SND1: variants seen among roughly 807,000 people sequenced by gnomAD.
SND1 encodes the protein staphylococcal nuclease and tudor domain containing 1.
Under a neutral mutation model 121.7 loss-of-function variants are expected in SND1, and 38 were observed. That is an observed-to-expected ratio of 0.31 (90% CI 0.24 to 0.41). The LOEUF is 0.41. SND1 is among the 10% of genes least tolerant of loss of function. The pLI, the probability that SND1 is intolerant of heterozygous loss-of-function variation, is 1.00. For missense variants in SND1, 868 were observed against 1,184.6 expected, an observed-to-expected ratio of 0.73 and a Z score of 3.92; for synonymous variants, 401 against 447.4, an observed-to-expected ratio of 0.90 and a Z score of 1.31.
At chr7:127,878,522 C>T (rs1352586608) in intron 12 of SND1, among the ~76,000 whole-genome samples, 8 of 152,270 alleles carry the variant, frequency 5.3e-5, no homozygotes, top group African/African-American at 1.9e-4. Flanking sequence ...GGCGCTGCAG[C>T]TCTTGACAAC....
intron 16 of SND1, among the ~76,000 whole-genome samples, chr7:128,049,636 T>C (rs962778081): frequency 2.0e-5 from 3 of 152,186 alleles, no homozygotes. Flanking sequence ...AGCGTGGACC[T>C]TGGAATCAGA....
chr7:128,079,413 G>C (rs1003579732), intron 17 of SND1, among the ~76,000 whole-genome samples: 3 of 152,256 alleles, frequency 2.0e-5, no homozygotes, highest in South Asian at 2.1e-4. Context: ...TAGGGGACTA[G>C]AAGCAGCAGT....
At chr7:127,783,397 A>C (rs566920602) in intron 10 of SND1, among the ~76,000 whole-genome samples, 5 of 152,330 alleles carry the variant, frequency 3.3e-5, no homozygotes, top group Admixed American at 1.3e-4. Context: ...AGTGATAAGC[A>C]GGATTCTGTG....
At chr7:127,810,474 C>T (rs767803678) in intron 11 of SND1, among the ~76,000 whole-genome samples, 2 of 152,218 alleles carry the variant, frequency 1.3e-5, no homozygotes, top group Non-Finnish European at 1.5e-5. Context: ...GGAATATTCA[C>T]AGCAAAGAGT....
intron 10 of SND1, among the ~76,000 whole-genome samples, chr7:127,802,471 C>G (rs1428535427): frequency 6.6e-6 from 1 of 152,164 alleles, no homozygotes; most frequent in Non-Finnish European, 1.5e-5. Context: ...TTTTGCTTGC[C>G]TTAGTTTGTG....
chr7:127,904,603 G>T, intron 13 of SND1, 144 bp from the exon 14 acceptor site: 1 of 554,104 alleles, frequency 1.8e-6, no homozygotes. Flanking sequence ...TGCACAGACT[G>T]GCTACTCAGC....
intron 14 of SND1, among the ~76,000 whole-genome samples, chr7:127,912,846 T>G (rs1257397686): frequency 6.6e-6 from 1 of 152,158 alleles, no homozygotes; most frequent in African/African-American, 2.4e-5. Flanking sequence ...CCTCTGTACC[T>G]GGAAACATGA....
intron 16 of SND1, among the ~76,000 whole-genome samples, chr7:128,010,251 C>A (rs1803086029): frequency 6.6e-6 from 1 of 152,222 alleles, no homozygotes; most frequent in South Asian, 2.1e-4. Context: ...TATAGTGGAA[C>A]AAAGCACTAC....
At chr7:127,663,448 T>C (rs1233569203) in intron 1 of SND1, among the ~76,000 whole-genome samples, 1 of 151,564 alleles carries the variant, frequency 6.6e-6, no homozygotes, top group Non-Finnish European at 1.5e-5. Context: ...CTCGGCTCAG[T>C]GAAACCTCCA....
At chr7:127,853,533 T>C (rs989521164) in intron 12 of SND1, among the ~76,000 whole-genome samples, 1 of 152,150 alleles carries the variant, frequency 6.6e-6, no homozygotes, top group African/African-American at 2.4e-5. Context: ...GGTTAATGAA[T>C]GGTCTCTGTT....
chr7:127,972,619 T>G (rs573714523), intron 15 of SND1, among the ~76,000 whole-genome samples: 1 of 151,432 alleles, frequency 6.6e-6, no homozygotes. Flanking sequence ...TGAGACAGAG[T>G]CTTGCTCTGT....
intron 10 of SND1, among the ~76,000 whole-genome samples, chr7:127,723,840 T>C (rs892631613): frequency 6.6e-6 from 1 of 152,262 alleles, no homozygotes; most frequent in Non-Finnish European, 1.5e-5. Context: ...ATTGTAATTT[T>C]TAAATTTGAC....
intron 16 of SND1, among the ~76,000 whole-genome samples, chr7:128,057,571 TAGCCATTTACCTCATCCTTCC>T (rs1327849743): frequency 6.6e-6 from 1 of 152,128 alleles, no homozygotes; most frequent in Non-Finnish European, 1.5e-5. Context: ...TACAGATCTC[TAGCCATTTACCTCATCCTTCC>T]AGTCAGGAAG....
At chr7:128,046,081 C>T (rs1480938181) in intron 16 of SND1, among the ~76,000 whole-genome samples, 5 of 152,122 alleles carry the variant, frequency 3.3e-5, no homozygotes, top group Non-Finnish European at 7.4e-5. Context: ...TTTGGAGGAG[C>T]CATGAATTTG....
chr7:127,727,368 A>G (rs1796600292), intron 10 of SND1, among the ~76,000 whole-genome samples: 1 of 152,166 alleles, frequency 6.6e-6, no homozygotes, highest in African/African-American at 2.4e-5. Flanking sequence ...ATTCATTGTA[A>G]GGGGCTCCGG....
At chr7:127,922,147 T>C (rs1203501958) in intron 14 of SND1, among the ~76,000 whole-genome samples, 4 of 147,876 alleles carry the variant, frequency 2.7e-5, no homozygotes, top group Non-Finnish European at 6.0e-5. Flanking sequence ...TGCAGCACCA[T>C]GCCCAGCTGA....
intron 15 of SND1, among the ~76,000 whole-genome samples, chr7:127,982,422 T>G (rs1025356394): frequency 1.3e-5 from 2 of 152,226 alleles, no homozygotes; most frequent in African/African-American, 4.8e-5. Flanking sequence ...CAATTAGGTA[T>G]TTGATCCCTT....
rs191160042 is a variant in SND1, at chr7:127,754,994, G to T, written c.1152+33594G>T. Among the ~76,000 whole-genome samples, 3 of 152,288 alleles carry T rather than the reference G, an allele frequency of 2.0e-5. No individual in the cohort carries two copies. The East Asian group carries it at 5.8e-4, about 29-fold the overall frequency. ...CTAAATAAATTACTTTGGGTCTGTGGATTCTAATTTGCATGGCTCTACTTA... is the reference window on the plus strand; with the variant it reads ...CTAAATAAATTACTTTGGGTCTGTGTATTCTAATTTGCATGGCTCTACTTA... On this transcript the variant is annotated intron_variant, in intron 10 of 23. Transcript: ENST00000354725.
intron 16 of SND1, among the ~76,000 whole-genome samples, chr7:128,039,046 C>T (rs1338227677): frequency 2.0e-5 from 3 of 152,144 alleles, no homozygotes; most frequent in Non-Finnish European, 2.9e-5. Context: ...CAGGTTTTAT[C>T]GTCTTCCTCC....
Sources: gnomAD v4.1 joint callset for allele counts (sites outside exome capture counted in the v4.1 genomes callset) on GRCh38, gnomAD v4.1.1 for gene constraint, MANE v1.5 for transcripts, NCBI Gene and HGNC (gene_info 2026-07-23, HGNC 2026-07-21) for gene names.